KAZN: variants seen among roughly 807,000 people sequenced by gnomAD.
The protein encoded by KAZN is kazrin, periplakin interacting protein.
Under a neutral mutation model 87.4 loss-of-function variants are expected in KAZN, and 40 were observed. The observed-to-expected ratio is 0.46, with a 90% CI of 0.36 to 0.60. The LOEUF (loss-of-function observed/expected upper bound fraction) is 0.60, where lower values mean the gene tolerates loss of function less well. KAZN is among the 20% of genes least tolerant of loss of function. The pLI is 0.00. For missense variants in KAZN, 898 were observed against 1,073.9 expected, an observed-to-expected ratio of 0.84 and a Z score of 2.29; for synonymous variants, 466 against 458.3, an observed-to-expected ratio of 1.02 and a Z score of -0.22.
chr1:14,117,421 C>A (rs1644649324), intron 1 of KAZN, among the ~76,000 whole-genome samples: 1 of 152,126 alleles, frequency 6.6e-6, no homozygotes, highest in Non-Finnish European at 1.5e-5. Context: ...TGAGACATGC[C>A]TTTCACCTTC....
chr1:14,685,466 T>C (rs1640900143), intron 1 of KAZN, among the ~76,000 whole-genome samples: 1 of 152,174 alleles, frequency 6.6e-6, no homozygotes, highest in African/African-American at 2.4e-5. Context: ...TGTGCACCCA[T>C]GTACTGAGGG....
intron 2 of KAZN, among the ~76,000 whole-genome samples, chr1:14,328,153 A>G (rs1656576198): frequency 6.6e-6 from 1 of 152,234 alleles, no homozygotes; most frequent in African/African-American, 2.4e-5. Flanking sequence ...AGCAAAGGCC[A>G]TACTGCCCCT....
At chr1:14,252,897 C>G (rs1333857619) in intron 2 of KAZN, among the ~76,000 whole-genome samples, 1 of 152,110 alleles carries the variant, frequency 6.6e-6, no homozygotes, top group South Asian at 2.1e-4. Flanking sequence ...TGTGCGGTTC[C>G]ATCATCTAGG....
intron 1 of KAZN, among the ~76,000 whole-genome samples, chr1:14,096,580 G>T (rs1485780391): frequency 6.6e-6 from 1 of 152,224 alleles, no homozygotes; most frequent in African/African-American, 2.4e-5. Context: ...GTGATCAGGA[G>T]AATTGACATT....
chr1:14,836,006 T>C (rs1647234005), intron 1 of KAZN, among the ~76,000 whole-genome samples: 1 of 152,208 alleles, frequency 6.6e-6, no homozygotes. Flanking sequence ...AATGGGGATC[T>C]CATTAGGCAA....
intron 2 of KAZN, among the ~76,000 whole-genome samples, chr1:14,590,478 A>G (rs1676129226): frequency 6.6e-6 from 1 of 152,190 alleles, no homozygotes; most frequent in Non-Finnish European, 1.5e-5. Flanking sequence ...GAAACCTTAG[A>G]ATTGGGCACA....
chr1:15,105,488 TA>T (rs1249187520), intron 13 of KAZN, among the ~76,000 whole-genome samples: 9 of 152,342 alleles, frequency 5.9e-5, no homozygotes, highest in African/African-American at 1.9e-4. Context: ...GTGCCTCTTA[TA>T]TATAAAGTTG....
At chr1:14,986,906 A>C (rs1318020242) in intron 2 of KAZN, among the ~76,000 whole-genome samples, 1 of 152,096 alleles carries the variant, frequency 6.6e-6, no homozygotes, top group African/African-American at 2.4e-5. Flanking sequence ...TATCCAATTT[A>C]ATCAAATTCA....
At chr1:14,419,741 G>A (rs1046539756) in intron 2 of KAZN, among the ~76,000 whole-genome samples, 6 of 152,140 alleles carry the variant, frequency 3.9e-5, no homozygotes, top group Non-Finnish European at 7.4e-5. Flanking sequence ...TGAGCGTTAG[G>A]ACTCTTAAGG....
At chr1:14,250,911 G>A (rs886645614) in intron 2 of KAZN, among the ~76,000 whole-genome samples, 6 of 151,618 alleles carry the variant, frequency 4.0e-5, no homozygotes, top group African/African-American at 1.5e-4. Flanking sequence ...AAAAAAAATC[G>A]ATGGTTAAAT....
intron 1 of KAZN, among the ~76,000 whole-genome samples, chr1:14,164,642 G>A (rs1645784465): frequency 6.8e-6 from 1 of 147,326 alleles, no homozygotes; most frequent in African/African-American, 2.5e-5. Context: ...CTGGGTTCAA[G>A]CGATTCTCCT....
intron 2 of KAZN, among the ~76,000 whole-genome samples, chr1:14,242,474 T>C (rs1649059160): frequency 6.6e-6 from 1 of 152,178 alleles, no homozygotes; most frequent in African/African-American, 2.4e-5. Flanking sequence ...AAAAATTACA[T>C]ATGTATTTGA....
At chr1:14,553,245 T>C (rs1673652614) in intron 2 of KAZN, among the ~76,000 whole-genome samples, 1 of 152,130 alleles carries the variant, frequency 6.6e-6, no homozygotes, top group Non-Finnish European at 1.5e-5. Context: ...GCCATGGTAG[T>C]GCACACTTGT....
At chr1:14,639,705 C>T (rs79646541) in intron 1 of KAZN, among the ~76,000 whole-genome samples, 6,817 of 152,100 alleles carry the variant, frequency 0.045, 527 homozygotes, top group African/African-American at 0.16. Context: ...CCATAGGCAA[C>T]ACCTAGGATA....
At chr1:14,080,272 A>T (rs891636774) in intron 1 of KAZN, among the ~76,000 whole-genome samples, 1 of 138,108 alleles carries the variant, frequency 7.2e-6, no homozygotes, top group African/African-American at 2.6e-5. Context: ...TCATATAACT[A>T]ATCTTTCACA....
chr1:15,006,471 G>T (rs1669010649), intron 2 of KAZN, among the ~76,000 whole-genome samples: 1 of 152,326 alleles, frequency 6.6e-6, no homozygotes, highest in African/African-American at 2.4e-5. Context: ...AAAAGGCAGG[G>T]TCTTTCTCCT....
chr1:14,796,523 G>A (rs1048235156), intron 1 of KAZN, among the ~76,000 whole-genome samples: 2 of 152,210 alleles, frequency 1.3e-5, no homozygotes, highest in African/African-American at 4.8e-5. Flanking sequence ...TACAGACTAG[G>A]GAAACTGACA....
intron 1 of KAZN, among the ~76,000 whole-genome samples, chr1:13,995,181 A>G (rs554836219): frequency 2.0e-4 from 30 of 150,024 alleles, no homozygotes; most frequent in African/African-American, 7.1e-4. Context: ...GATTTCTCTT[A>G]TCATTACTTC....
chr1:15,078,619 A>G (rs1211942138), intron 8 of KAZN, among the ~76,000 whole-genome samples: 1 of 152,168 alleles, frequency 6.6e-6, no homozygotes, highest in African/African-American at 2.4e-5. Context: ...ACAAAGGGAG[A>G]GAAGATTAAT....
Sources: allele counts gnomAD v4.1 joint callset (sites outside exome capture counted in the v4.1 genomes callset), GRCh38; gene constraint gnomAD v4.1.1; transcripts MANE v1.5; gene names NCBI Gene and HGNC (gene_info 2026-07-23, HGNC 2026-07-21).